PTPRN2: variants seen among roughly 807,000 people sequenced by gnomAD.
PTPRN2 encodes the protein receptor-type tyrosine-protein phosphatase N2.
In PTPRN2, 74 loss-of-function variants were observed where a neutral mutation model predicts 118.8. That is an observed-to-expected ratio of 0.62 (90% CI 0.52 to 0.76). The LOEUF is 0.76. PTPRN2 is among the 30% of genes least tolerant of loss of function. The probability of loss-of-function intolerance (pLI) is 0.00; values close to 1 mark genes in which losing one functional copy is unlikely to be tolerated. For missense variants in PTPRN2, 1,481 were observed against 1,394.4 expected (o/e 1.06, Z -0.99); for synonymous variants, 641 against 608.0 (o/e 1.05, Z -0.80).
intron 12 of PTPRN2, among the ~76,000 whole-genome samples, chr7:157,777,480 G>T (rs909920428): frequency 3.4e-5 from 5 of 146,466 alleles, no homozygotes; most frequent in Non-Finnish European, 7.6e-5. Context: ...GCTCAGGGAC[G>T]CAGCCTTCCT....
At chr7:158,217,359 C>T (rs879863011) in intron 3 of PTPRN2, among the ~76,000 whole-genome samples, 7 of 152,126 alleles carry the variant, frequency 4.6e-5, no homozygotes, top group Admixed American at 1.3e-4. Context: ...GAACCTCGGC[C>T]CTATGAAAAA....
At chr7:157,701,947 TC>T (rs1340907600) in intron 12 of PTPRN2, among the ~76,000 whole-genome samples, 15 of 148,754 alleles carry the variant, frequency 1.0e-4, no homozygotes, top group East Asian at 9.9e-4. Flanking sequence ...GAAAGCCCGG[TC>T]GGTGCTGGTG....
chr7:157,542,613 G>A (rs1798066314), intron 22 of PTPRN2, among the ~76,000 whole-genome samples: 1 of 152,168 alleles, frequency 6.6e-6, no homozygotes, highest in Non-Finnish European at 1.5e-5. Context: ...GGACGGGCAG[G>A]GGGAACTCCA....
chr7:157,961,767 G>A (rs983341690), intron 11 of PTPRN2, among the ~76,000 whole-genome samples: 3 of 152,184 alleles, frequency 2.0e-5, no homozygotes, highest in Non-Finnish European at 4.4e-5. Flanking sequence ...AGTAAATTCG[G>A]CACTCATATT....
chr7:158,547,436 C>T (rs1265814216), intron 1 of PTPRN2, among the ~76,000 whole-genome samples: 1 of 152,118 alleles, frequency 6.6e-6, no homozygotes. Context: ...CTGTCGCTGA[C>T]TCTGACAACA....
At position 157,619,295 on chromosome 7, in the gene PTPRN2, C is replaced by A. The variant is rs1803007848; in HGVS notation, c.2344+2067G>T. Among the ~76,000 whole-genome samples the A allele has an allele frequency of 6.6e-6, 1 of 152,184 alleles. No individual in the cohort carries two copies. Among genetic ancestry groups the A allele is most frequent in the Non-Finnish European group, 1.5e-5 (1 of 68,038 alleles). Reference sequence around the variant, plus strand: ...CTCACAATCTAAGTAAATGACCAGACACACAGAGACATATAATGCACGCTT... The same window carrying A: ...CTCACAATCTAAGTAAATGACCAGAAACACAGAGACATATAATGCACGCTT... On this transcript the variant is annotated intron_variant, in intron 15 of 22. Transcript: ENST00000389418. This position sits in a 1 kb window ranked among gnomAD's most constrained non-coding sequence, Gnocchi z 5.3.
chr7:158,045,180 A>G (rs946086715), intron 11 of PTPRN2, among the ~76,000 whole-genome samples: 4 of 152,158 alleles, frequency 2.6e-5, no homozygotes, highest in African/African-American at 4.8e-5. Flanking sequence ...GGCTTTAAAG[A>G]AAGTTGGTGG....
Position 157,852,154 on chromosome 7 carries a change from A to T in PTPRN2, c.1788+46519T>A, listed in dbSNP as rs576894349. Among the ~76,000 whole-genome samples, 124 of 152,378 alleles carry T rather than the reference A, an allele frequency of 8.1e-4. No homozygotes were observed. The Middle Eastern group carries it at 0.01, about 13-fold the overall frequency. On this transcript the variant is annotated intron_variant, in intron 12 of 22. Transcript: ENST00000389418. ...CTTAGGGTCTCAGCCAACAGAACCA[A>T]GGAAAGTTATATTTATGTGGGAATT...
At chr7:158,296,670 T>A (rs1435978509) in intron 3 of PTPRN2, among the ~76,000 whole-genome samples, 1 of 152,220 alleles carries the variant, frequency 6.6e-6, no homozygotes, top group Non-Finnish European at 1.5e-5. Context: ...CCCGTCTGTA[T>A]GCTCCCCTGC....
In PTPRN2 at chr7:157,785,719, GGGAA is replaced by G. The variant is rs2151063319; in HGVS notation, c.1789-102786_1789-102783del. On this transcript the variant is annotated intron_variant, in intron 12 of 22. Transcript: ENST00000389418. This position sits in a 1 kb window ranked among gnomAD's most constrained non-coding sequence, Gnocchi z 7.3. ...TCAGAGATGGGCATGGGGCCGGCCTGGGAAGCATGGCGGGAGGGGAGAAGAATCG... is the reference window on the plus strand; with the variant it reads ...TCAGAGATGGGCATGGGGCCGGCCTGGCATGGCGGGAGGGGAGAAGAATCG... Among the ~76,000 whole-genome samples, 1 of 152,296 alleles carries G rather than the reference GGGAA, an allele frequency of 6.6e-6. No individual in the cohort carries two copies. Among genetic ancestry groups the G allele is most frequent in the African/African-American group, 2.4e-5 (1 of 41,566 alleles).
chr7:157,716,339 T>G (rs201820418), intron 12 of PTPRN2, among the ~76,000 whole-genome samples: 1 of 104,800 alleles, frequency 9.5e-6, no homozygotes, highest in Non-Finnish European at 1.9e-5. Flanking sequence ...CCTGGCCACA[T>G]AGACTCTGCA....
At chr7:157,931,967 A>G (rs535927255) in intron 11 of PTPRN2, among the ~76,000 whole-genome samples, 1 of 152,234 alleles carries the variant, frequency 6.6e-6, no homozygotes, top group Non-Finnish European at 1.5e-5. Flanking sequence ...CATACGTCAG[A>G]TTTATAGAAA....
At chr7:157,721,636 C>G (rs974742398) in intron 12 of PTPRN2, among the ~76,000 whole-genome samples, 1 of 152,322 alleles carries the variant, frequency 6.6e-6, no homozygotes, top group Non-Finnish European at 1.5e-5. Flanking sequence ...TGTGCCCGAG[C>G]TTGCTGCATG....
chr7:157,544,530 C>T (rs1798182892), intron 22 of PTPRN2, among the ~76,000 whole-genome samples: 1 of 152,080 alleles, frequency 6.6e-6, no homozygotes, highest in Non-Finnish European at 1.5e-5. Context: ...ATGCGAGGGG[C>T]CTCCCGTCCA....
chr7:158,519,703 A>G (rs1489431697), intron 1 of PTPRN2, among the ~76,000 whole-genome samples: 1 of 152,150 alleles, frequency 6.6e-6, no homozygotes, highest in Non-Finnish European at 1.5e-5. Context: ...TTTTTCTCCA[A>G]TGCTGCTGAT....
At chr7:157,871,707 T>G (rs73746682) in intron 12 of PTPRN2, among the ~76,000 whole-genome samples, 6,001 of 151,802 alleles carry the variant, frequency 0.04, 393 homozygotes, top group African/African-American at 0.13. Context: ...GGTTAACATT[T>G]CCCTAACACA....
At chr7:158,250,687 G>A (rs147315422) in intron 3 of PTPRN2, among the ~76,000 whole-genome samples, 23 of 152,246 alleles carry the variant, frequency 1.5e-4, no homozygotes, top group Non-Finnish European at 2.9e-4. Flanking sequence ...TTTCTCTCTC[G>A]TCTGTTTTTT....
At chr7:157,809,198 G>C (rs1168623212) in intron 12 of PTPRN2, among the ~76,000 whole-genome samples, 1 of 152,290 alleles carries the variant, frequency 6.6e-6, no homozygotes, top group African/African-American at 2.4e-5. Context: ...CAAGCCAGAT[G>C]CCTTATGGAG....
intron 1 of PTPRN2, among the ~76,000 whole-genome samples, chr7:158,543,066 A>C (rs1826081277): frequency 6.6e-6 from 1 of 152,262 alleles, no homozygotes; most frequent in Non-Finnish European, 1.5e-5. Flanking sequence ...GTCTAGCCAC[A>C]GTTTTCTTAA....
Sources: allele counts gnomAD v4.1 joint callset (sites outside exome capture counted in the v4.1 genomes callset), GRCh38; gene constraint gnomAD v4.1.1; non-coding constraint Gnocchi (gnomAD v3.1); transcripts MANE v1.5; gene names NCBI Gene and HGNC (gene_info 2026-07-23, HGNC 2026-07-21).